SMCO2: variants seen among roughly 807,000 people sequenced by gnomAD.
SMCO2 encodes single-pass membrane and coiled-coil domain-containing protein 2.
In SMCO2, 25 loss-of-function variants were observed where a neutral mutation model predicts 29.5. That is an observed-to-expected ratio of 0.85 (90% CI 0.62 to 1.18). The LOEUF (loss-of-function observed/expected upper bound fraction) is 1.18, where lower values mean the gene tolerates loss of function less well. SMCO2 is among the 50% of genes most tolerant of loss of function. SMCO2 has a pLI of 0.00. For synonymous variants in SMCO2, 117 were observed against 123.3 expected (o/e 0.95, Z 0.34); for missense variants, 348 against 344.5 (o/e 1.01, Z -0.08).
At chr12:27,475,273 C>A (rs538367368) in intron 4 of SMCO2, among the ~76,000 whole-genome samples, 12 of 152,164 alleles carry the variant, frequency 7.9e-5, no homozygotes, top group Non-Finnish European at 1.5e-5. Flanking sequence ...CTCTCCTCCC[C>A]CAGAATGATG....
chr12:27,496,130 G>C (rs1348253400), intron 7 of SMCO2, among the ~76,000 whole-genome samples: 1 of 149,892 alleles, frequency 6.7e-6, no homozygotes, highest in Non-Finnish European at 1.5e-5. Context: ...TCTAAATATA[G>C]ATAGATATAT....
chr12:27,494,322 A>T, exon 6 of SMCO2: 1 of 1,524,782 alleles, frequency 6.6e-7, no homozygotes, highest in Non-Finnish European at 8.8e-7. Flanking sequence ...AATGAAGTTT[A>T]TGAATTAAAG....
intron 4 of SMCO2, among the ~76,000 whole-genome samples, chr12:27,478,243 CA>C (rs762605834): frequency 2.2e-4 from 34 of 152,270 alleles, no homozygotes; most frequent in Admixed American, 9.2e-4. Flanking sequence ...GAGGCTGTGG[CA>C]AACTTTACTG....
the SMCO2 span, among the ~76,000 whole-genome samples, chr12:27,441,833 A>C: frequency 6.6e-6 from 1 of 152,190 alleles, no homozygotes; most frequent in African/African-American, 2.4e-5. Context: ...GGTCTGCATA[A>C]ATTCAAAAAA....
intron 4 of SMCO2, among the ~76,000 whole-genome samples, chr12:27,487,629 G>A (rs114511005): frequency 0.019 from 2,932 of 152,240 alleles, 99 homozygotes; most frequent in African/African-American, 0.067. Context: ...AGTTTTGACA[G>A]GAACTGCCAA....
At chr12:27,472,571 T>C (rs1288800162) in intron 2 of SMCO2, among the ~76,000 whole-genome samples, 1 of 152,200 alleles carries the variant, frequency 6.6e-6, no homozygotes, top group Non-Finnish European at 1.5e-5. Flanking sequence ...CAGCCAATTA[T>C]TATTTATCCA....
the SMCO2 span, among the ~76,000 whole-genome samples, chr12:27,428,305 A>G: frequency 6.6e-6 from 1 of 152,192 alleles, no homozygotes; most frequent in African/African-American, 2.4e-5. Context: ...CCCAAAGTTA[A>G]TTCAACCTAC....
intron 1 of SMCO2, among the ~76,000 whole-genome samples, chr12:27,469,630 T>C (rs1474857206): frequency 6.6e-6 from 1 of 152,220 alleles, no homozygotes; most frequent in Admixed American, 6.5e-5. Context: ...TCTACTGCTA[T>C]CACTCACTTG....
intron 4 of SMCO2, 119 bp from the exon 6 acceptor site, chr12:27,488,341 C>T (rs1393831343): frequency 1.1e-5 from 6 of 546,892 alleles, no homozygotes; most frequent in Non-Finnish European, 1.8e-5. Flanking sequence ...GCAATACAAG[C>T]ACTACCAAAG....
chr12:27,499,430 T>TG (rs1943051515), intron 7 of SMCO2, among the ~76,000 whole-genome samples: 1 of 150,484 alleles, frequency 6.6e-6, no homozygotes, highest in Admixed American at 6.6e-5. Context: ...CACAGAGTGT[T>TG]GGGGAATAGG....
At chr12:27,478,467 G>T (rs931802882) in intron 4 of SMCO2, among the ~76,000 whole-genome samples, 1 of 152,222 alleles carries the variant, frequency 6.6e-6, no homozygotes, top group East Asian at 1.9e-4. Context: ...TGGGCACTGT[G>T]TGTGGCACTG....
intron 1 of SMCO2, among the ~76,000 whole-genome samples, chr12:27,468,852 ATGT>A (rs1949519052): frequency 6.6e-6 from 1 of 152,202 alleles, no homozygotes; most frequent in Non-Finnish European, 1.5e-5. Flanking sequence ...CCTCTGTATC[ATGT>A]TGTTGTGAGA....
At chr12:27,457,113 G>A in the SMCO2 span, among the ~76,000 whole-genome samples, 1 of 151,934 alleles carries the variant, frequency 6.6e-6, no homozygotes, top group South Asian at 2.1e-4. Context: ...GGGGACCACT[G>A]GTCTAGAGGG....
chr12:27,448,332 T>C, the SMCO2 span, among the ~76,000 whole-genome samples: 1 of 152,172 alleles, frequency 6.6e-6, no homozygotes, highest in Non-Finnish European at 1.5e-5. Flanking sequence ...AATTGCACGA[T>C]AAAGAAGAGT....
At chr12:27,453,673 T>C in the SMCO2 span, among the ~76,000 whole-genome samples, 1 of 152,240 alleles carries the variant, frequency 6.6e-6, no homozygotes, top group Non-Finnish European at 1.5e-5. Context: ...ATGTTTTTGC[T>C]GAGCTTCTGT....
intron 4 of SMCO2, chr12:27,475,640 G>T: frequency 1.3e-6 from 2 of 1,550,148 alleles, no homozygotes; most frequent in Non-Finnish European, 1.7e-6. Context: ...AGGTCTCCAG[G>T]TGAAAGAACT....
At chr12:27,457,140 C>T in the SMCO2 span, among the ~76,000 whole-genome samples, 2,690 of 152,050 alleles carry the variant, frequency 0.018, 35 homozygotes, top group Non-Finnish European at 0.027. Context: ...TTGGCTACCC[C>T]GATCAGTTTC....
At chr12:27,494,130 C>G (rs550473720) in intron 5 of SMCO2, 170 bp from the exon 7 acceptor site, 425 of 446,026 alleles carry the variant, frequency 9.5e-4, no homozygotes, top group Middle Eastern at 1.8e-3. Context: ...CACTTACAGT[C>G]TGCAATTTAT....
intron 6 of SMCO2, 53 bp from the exon 8 acceptor site, chr12:27,495,627 A>G: frequency 7.1e-7 from 1 of 1,403,304 alleles, no homozygotes; most frequent in Non-Finnish European, 9.5e-7. Context: ...CTATAGTAAG[A>G]CTTGGAGACA....
Sources: allele counts gnomAD v4.1 joint callset (sites outside exome capture counted in the v4.1 genomes callset), GRCh38; gene constraint gnomAD v4.1.1; transcripts MANE v1.5; gene names NCBI Gene and HGNC (gene_info 2026-07-23, HGNC 2026-07-21).